KCNJ6: variants seen among roughly 807,000 people sequenced by gnomAD.
The protein encoded by KCNJ6 is potassium inwardly rectifying channel subfamily J member 6, also known as G protein-activated inward rectifier potassium channel 2.
Under a neutral mutation model 34.2 loss-of-function variants are expected in KCNJ6, and 9 were observed. That is an observed-to-expected ratio of 0.26 (90% CI 0.16 to 0.46). KCNJ6 has a LOEUF of 0.46. Ranked by LOEUF, KCNJ6 falls within the 20% of genes least tolerant of loss-of-function variation. The probability of loss-of-function intolerance (pLI) is 1.00; values close to 1 mark genes in which losing one functional copy is unlikely to be tolerated. For synonymous variants in KCNJ6, 196 were observed against 207.1 expected (o/e 0.95, Z 0.46); for missense variants, 236 against 531.3 (o/e 0.44, Z 5.46).
At chr21:37,866,005 A>G (rs1324604363) in intron 1 of KCNJ6, among the ~76,000 whole-genome samples, 1 of 152,202 alleles carries the variant, frequency 6.6e-6, no homozygotes, top group African/African-American at 2.4e-5. Context: ...TTCTTAGACT[A>G]CTAACTTAGG....
chr21:37,881,401 G>C (rs2055707304), intron 1 of KCNJ6, among the ~76,000 whole-genome samples: 1 of 152,096 alleles, frequency 6.6e-6, no homozygotes, highest in East Asian at 1.9e-4. Flanking sequence ...TCCTGGTAAG[G>C]GCTCCTTTCC....
At chr21:37,867,988 G>C (rs1019288365) in intron 1 of KCNJ6, among the ~76,000 whole-genome samples, 1 of 152,166 alleles carries the variant, frequency 6.6e-6, no homozygotes, top group Admixed American at 6.5e-5. Flanking sequence ...AGCAGAAATC[G>C]CTAGTTCTTG....
At chr21:37,849,920 G>A (rs1452496332) in intron 1 of KCNJ6, among the ~76,000 whole-genome samples, 1 of 152,154 alleles carries the variant, frequency 6.6e-6, no homozygotes, top group Non-Finnish European at 1.5e-5. Context: ...TTTCCAAAAA[G>A]GGTAAAACGA....
intron 2 of KCNJ6, among the ~76,000 whole-genome samples, chr21:37,745,072 G>GTTT (rs58661633): frequency 2.2e-5 from 2 of 89,458 alleles, no homozygotes; most frequent in Non-Finnish European, 4.2e-5. Context: ...AACGTTGCTG[G>GTTT]TTTTTTTTTT....
chr21:37,653,293 T>A (rs1288107180), intron 3 of KCNJ6, among the ~76,000 whole-genome samples: 2 of 152,084 alleles, frequency 1.3e-5, no homozygotes, highest in Admixed American at 6.5e-5. Context: ...TGGAGTAAAA[T>A]CAGTGGGTCA....
chr21:37,824,348 TA>T (rs1389898269), intron 2 of KCNJ6, among the ~76,000 whole-genome samples: 1 of 152,216 alleles, frequency 6.6e-6, no homozygotes, highest in Non-Finnish European at 1.5e-5. Context: ...TCAGCAGTTT[TA>T]CTTCAACCTC....
At chr21:37,705,022 C>G (rs1439214536) in intron 3 of KCNJ6, among the ~76,000 whole-genome samples, 1 of 152,142 alleles carries the variant, frequency 6.6e-6, no homozygotes, top group Non-Finnish European at 1.5e-5. Context: ...TCTAGACTGC[C>G]CTTTCAAGGG....
chr21:37,690,839 G>T (rs868622011), intron 3 of KCNJ6, among the ~76,000 whole-genome samples: 21 of 150,700 alleles, frequency 1.4e-4, no homozygotes, highest in African/African-American at 3.9e-4. Context: ...GAGTGCAGTG[G>T]CGTGATCTTG....
intron 3 of KCNJ6, among the ~76,000 whole-genome samples, chr21:37,673,253 C>T (rs1002762568): frequency 6.6e-6 from 1 of 152,214 alleles, no homozygotes; most frequent in African/African-American, 2.4e-5. Flanking sequence ...GGCCCAGGGG[C>T]AGCCTGCTGG....
intron 2 of KCNJ6, among the ~76,000 whole-genome samples, chr21:37,734,756 A>G (rs2054904121): frequency 6.6e-6 from 1 of 152,128 alleles, no homozygotes; most frequent in Non-Finnish European, 1.5e-5. Context: ...GGTTTGGGAA[A>G]GGTTGCCCAC....
intron 3 of KCNJ6, among the ~76,000 whole-genome samples, chr21:37,672,706 G>T (rs2054547491): frequency 6.6e-6 from 1 of 152,120 alleles, no homozygotes; most frequent in Admixed American, 6.5e-5. Flanking sequence ...CATGTAAGGA[G>T]ATGGTAGGTT....
chr21:37,667,475 C>T (rs1484218419), intron 3 of KCNJ6, among the ~76,000 whole-genome samples: 7 of 151,868 alleles, frequency 4.6e-5, no homozygotes, highest in East Asian at 3.9e-4. Context: ...GGGTAGTAGG[C>T]GCCGGGGTAG....
At chr21:37,757,772 C>T (rs1295117846) in intron 2 of KCNJ6, among the ~76,000 whole-genome samples, 1 of 152,272 alleles carries the variant, frequency 6.6e-6, no homozygotes, top group African/African-American at 2.4e-5. Flanking sequence ...TTCCCTATTA[C>T]GGAGAAGAGA....
intron 3 of KCNJ6, among the ~76,000 whole-genome samples, chr21:37,676,017 C>T (rs1469636145): frequency 6.6e-6 from 1 of 152,252 alleles, no homozygotes; most frequent in Non-Finnish European, 1.5e-5. Flanking sequence ...GAACCCAGAC[C>T]TCCTGAATCT....
At chr21:37,665,712 C>T (rs1445006323) in intron 3 of KCNJ6, among the ~76,000 whole-genome samples, 2 of 152,222 alleles carry the variant, frequency 1.3e-5, no homozygotes, top group Non-Finnish European at 2.9e-5. Flanking sequence ...TCGCTGACAT[C>T]ATTCATCCCT....
At chr21:37,745,832 T>A (rs951411141) in intron 2 of KCNJ6, among the ~76,000 whole-genome samples, 4 of 152,116 alleles carry the variant, frequency 2.6e-5, no homozygotes, top group African/African-American at 9.7e-5. Context: ...AGCACACACG[T>A]CCCACTAGGG....
At chr21:37,914,962 T>C (rs957375497) in intron 1 of KCNJ6, among the ~76,000 whole-genome samples, 7 of 151,766 alleles carry the variant, frequency 4.6e-5, no homozygotes, top group African/African-American at 1.7e-4. Context: ...GAGGCGGAAT[T>C]CTTTGGAAAA....
chr21:37,737,777 T>G (rs986960187), intron 2 of KCNJ6, among the ~76,000 whole-genome samples: 1 of 152,252 alleles, frequency 6.6e-6, no homozygotes, highest in African/African-American at 2.4e-5. Flanking sequence ...GGGGGCAGAT[T>G]CCTGCCCGAT....
chr21:37,722,059 G>T (rs574647521), intron 2 of KCNJ6, among the ~76,000 whole-genome samples: 63 of 152,300 alleles, frequency 4.1e-4, no homozygotes, highest in Admixed American at 8.5e-4. Flanking sequence ...TAAAGACTCT[G>T]CCAAAAGGCT....
Sources: allele counts gnomAD v4.1 joint callset (sites outside exome capture counted in the v4.1 genomes callset), GRCh38; gene constraint gnomAD v4.1.1; transcripts MANE v1.5; gene names NCBI Gene and HGNC (gene_info 2026-07-23, HGNC 2026-07-21).